The following CPNE4 variants were observed in gnomAD, a reference collection of about 807,000 sequenced individuals.
CPNE4 encodes copine-4.
In CPNE4, 25 loss-of-function variants were observed where a neutral mutation model predicts 67.9. The ratio of observed to expected loss-of-function variants is 0.37; its 90% CI spans 0.27 to 0.51. The LOEUF is 0.51. Among genes scored for constraint, CPNE4 ranks in the 20% least tolerant of loss-of-function variants. The pLI, the probability that CPNE4 is intolerant of heterozygous loss-of-function variation, is 0.93. For missense variants in CPNE4, 464 were observed against 690.8 expected (o/e 0.67, Z 3.68); for synonymous variants, 242 against 244.9 (o/e 0.99, Z 0.11).
In CPNE4 at chr3:131,918,454, G is replaced by A. The variant is rs371423567; in HGVS notation, c.-1-13010C>T. Reference sequence around the variant, plus strand: ...TTCATGGAGTTTCCAGGCTGATGGAGAAATGAACAGGCAAACAAATATTTA... The same window carrying A: ...TTCATGGAGTTTCCAGGCTGATGGAAAAATGAACAGGCAAACAAATATTTA... On this transcript the variant is annotated intron_variant, in intron 1 of 15. Transcript: ENST00000429747. Among the ~76,000 whole-genome samples the A allele has an allele frequency of 4.0e-4, 61 of 152,264 alleles. 1 individual carries two copies. The South Asian group carries it at 7.9e-3, about 20-fold the overall frequency.
rs544629450 is a variant in CPNE4 at position 131,570,331 on chromosome 3, A to T, written c.927+4740T>A. 2.0e-3 allele frequency among the ~76,000 whole-genome samples: 303 copies of T among 149,590 alleles called. 2 individuals are homozygous for T. Among genetic ancestry groups the T allele is most frequent in the South Asian group, 0.014 (67 of 4,806 alleles). On this transcript the variant is annotated intron_variant, in intron 10 of 15. Coordinates refer to ENST00000429747, the MANE Select transcript of CPNE4 (RefSeq NM_130808.3). ...TTTTTATTTATTTATTTATTTATTT[A>T]TTTTTTTAAAATTTTTTATTATACT...
chr3:131,754,241 G>A (rs903335143), intron 2 of CPNE4, among the ~76,000 whole-genome samples: 1 of 151,928 alleles, frequency 6.6e-6, no homozygotes, highest in Non-Finnish European at 1.5e-5. Context: ...TATTTTGTGT[G>A]TCAATATCTA....
chr3:131,701,361 T>C (rs1183735531), intron 3 of CPNE4, among the ~76,000 whole-genome samples: 2 of 152,176 alleles, frequency 1.3e-5, no homozygotes, highest in Non-Finnish European at 2.9e-5. Context: ...CTTCATAATA[T>C]TCATGCTATT....
chr3:131,892,185 G>T (rs987602818), intron 2 of CPNE4, among the ~76,000 whole-genome samples: 9 of 152,110 alleles, frequency 5.9e-5, no homozygotes, highest in Admixed American at 5.9e-4. Flanking sequence ...GAGAGATTCT[G>T]AATCCTCACA....
intron 1 of CPNE4, among the ~76,000 whole-genome samples, chr3:132,030,645 G>A (rs952331105): frequency 6.6e-5 from 10 of 152,322 alleles, no homozygotes; most frequent in South Asian, 2.1e-4. Context: ...TGGTTCCCAA[G>A]AGGGTTTCCA....
At chr3:132,020,620 T>G (rs567853215) in intron 1 of CPNE4, among the ~76,000 whole-genome samples, 17 of 152,246 alleles carry the variant, frequency 1.1e-4, no homozygotes, top group African/African-American at 4.1e-4. Flanking sequence ...CCCTGGGGGA[T>G]GGAAGGAGGA....
intron 9 of CPNE4, among the ~76,000 whole-genome samples, chr3:131,580,498 ACACACACAACATG>A (rs1027340605): frequency 3.3e-5 from 5 of 151,920 alleles, no homozygotes; most frequent in African/African-American, 1.2e-4. Flanking sequence ...ACACGCACAC[ACACACACAACATG>A]CACACACAAC....
chr3:131,615,891 T>TCACGCACACACA (rs1553739620), intron 7 of CPNE4, among the ~76,000 whole-genome samples: 17 of 107,758 alleles, frequency 1.6e-4, no homozygotes, highest in African/African-American at 7.3e-4. Context: ...TCTCTCTCTC[T>TCACGCACACACA]CACACACACA....
intron 7 of CPNE4, among the ~76,000 whole-genome samples, chr3:131,611,471 C>G (rs992749822): frequency 2.0e-5 from 3 of 152,140 alleles, no homozygotes; most frequent in Admixed American, 6.5e-5. Context: ...CAGCACTTCC[C>G]TGTCTTGATT....
chr3:131,981,630 T>C (rs2072911945), intron 1 of CPNE4, among the ~76,000 whole-genome samples: 1 of 152,152 alleles, frequency 6.6e-6, no homozygotes, highest in South Asian at 2.1e-4. Context: ...CCAGTTCAAA[T>C]TGTTACAAAG....
intron 1 of CPNE4, among the ~76,000 whole-genome samples, chr3:132,034,128 G>A (rs2074298770): frequency 6.6e-6 from 1 of 152,162 alleles, no homozygotes; most frequent in South Asian, 2.1e-4. Context: ...TCAAGCCATT[G>A]GAAGGGACTA....
At chr3:132,022,552 C>T (rs1363865212) in intron 1 of CPNE4, among the ~76,000 whole-genome samples, 1 of 128,116 alleles carries the variant, frequency 7.8e-6, no homozygotes, top group East Asian at 2.3e-4. Flanking sequence ...ATTTCCTGTA[C>T]ACAAAGATGC....
chr3:131,775,901 A>G (rs955943808), intron 2 of CPNE4, among the ~76,000 whole-genome samples: 1 of 152,206 alleles, frequency 6.6e-6, no homozygotes, highest in African/African-American at 2.4e-5. Context: ...GGCAAAGCAC[A>G]TCATGAAGAT....
At chr3:131,777,378 GTT>G (rs35495075) in intron 2 of CPNE4, among the ~76,000 whole-genome samples, 31,734 of 142,584 alleles carry the variant, frequency 0.22, 3,881 homozygotes, top group South Asian at 0.31. Flanking sequence ...GCATTTCAAG[GTT>G]TTTTTTTTTT....
chr3:131,855,113 T>C (rs1298011348), intron 2 of CPNE4, among the ~76,000 whole-genome samples: 1 of 151,962 alleles, frequency 6.6e-6, no homozygotes, highest in Non-Finnish European at 1.5e-5. Flanking sequence ...CATAAGCCTC[T>C]TTCTGGGTCT....
Position 132,020,482 on chromosome 3 carries a change from G to A in CPNE4, c.-2+14085C>T, listed in dbSNP as rs532200952. ...AAACTCCGGCTGTCTTCTCAGGAAA[G>A]GGGGACTGTGGGAACTCCAGTTCCT... On this transcript the variant is annotated intron_variant, in intron 1 of 15. Coordinates refer to ENST00000429747, the MANE Select transcript of CPNE4 (RefSeq NM_130808.3). 5.3e-5 allele frequency among the ~76,000 whole-genome samples: 8 copies of A among 152,326 alleles called. No individual in the cohort carries two copies. The South Asian group carries it at 1.7e-3, about 32-fold the overall frequency.
chr3:131,584,027 T>G (rs994791147), intron 8 of CPNE4, among the ~76,000 whole-genome samples: 1 of 152,158 alleles, frequency 6.6e-6, no homozygotes, highest in African/African-American at 2.4e-5. Flanking sequence ...CACCCCAAAC[T>G]AAGGATACTT....
intron 1 of CPNE4, among the ~76,000 whole-genome samples, chr3:132,026,333 A>G (rs1170768823): frequency 6.6e-6 from 1 of 152,204 alleles, no homozygotes; most frequent in African/African-American, 2.4e-5. Context: ...ACATGGTCAT[A>G]TCTATGAATA....
intron 2 of CPNE4, among the ~76,000 whole-genome samples, chr3:131,826,595 C>T (rs768645720): frequency 6.6e-6 from 1 of 152,084 alleles, no homozygotes; most frequent in Non-Finnish European, 1.5e-5. Flanking sequence ...CGCTTTTTCT[C>T]GCTGTTAATT....
Sources: allele counts gnomAD v4.1 joint callset (sites outside exome capture counted in the v4.1 genomes callset), GRCh38; gene constraint gnomAD v4.1.1; transcripts MANE v1.5; gene names NCBI Gene and HGNC (gene_info 2026-07-23, HGNC 2026-07-21).